The following RGL1 variants were observed in gnomAD, a reference collection of about 807,000 sequenced individuals.
RGL1 encodes the protein ral guanine nucleotide dissociation stimulator-like 1.
A neutral mutation model predicts 95.2 loss-of-function variants in RGL1; 24 were observed. The observed-to-expected ratio is 0.25, with a 90% CI of 0.18 to 0.35. The LOEUF is 0.35. Among genes scored for constraint, RGL1 ranks in the 10% least tolerant of loss-of-function variants. RGL1 has a pLI of 1.00. For synonymous variants in RGL1, 329 were observed against 344.9 expected, an observed-to-expected ratio of 0.95 and a Z score of 0.51; for missense variants, 715 against 936.3, an observed-to-expected ratio of 0.76 and a Z score of 3.08.
intron 6 of RGL1, 69 bp downstream of exon 6, chr1:183,883,979 C>T (rs935931779): frequency 1.3e-5 from 20 of 1,510,922 alleles, no homozygotes; most frequent in African/African-American, 6.9e-5. Flanking sequence ...ACTGGTGCCC[C>T]GGTGACAGCA....
At chr1:183,753,114 C>T (rs1056250657) in intron 2 of RGL1, among the ~76,000 whole-genome samples, 2 of 151,956 alleles carry the variant, frequency 1.3e-5, no homozygotes, top group African/African-American at 4.8e-5. Context: ...TTTATGTTTG[C>T]TTCTCTCACT....
At chr1:183,865,835 C>G (rs1665795650) in intron 3 of RGL1, among the ~76,000 whole-genome samples, 161 bp from the exon 4 acceptor site, 1 of 152,180 alleles carries the variant, frequency 6.6e-6, no homozygotes, top group Admixed American at 6.5e-5. Flanking sequence ...CATTAAGTAA[C>G]TATCAATAAT....
At chr1:183,899,213 A>G (rs1572573819) in intron 10 of RGL1, among the ~76,000 whole-genome samples, 1 of 152,236 alleles carries the variant, frequency 6.6e-6, no homozygotes, top group African/African-American at 2.4e-5. Context: ...TGTCAATACT[A>G]AGAAACTGAC....
chr1:183,797,706 T>G (rs1192665340), intron 2 of RGL1, among the ~76,000 whole-genome samples: 1 of 152,288 alleles, frequency 6.6e-6, no homozygotes, highest in East Asian at 1.9e-4. Context: ...CTCTTTACCC[T>G]TTGCAAAGGA....
At chr1:183,786,398 TAAAC>T (rs896271077) in intron 2 of RGL1, among the ~76,000 whole-genome samples, 16 of 152,176 alleles carry the variant, frequency 1.1e-4, no homozygotes, top group African/African-American at 3.4e-4. Context: ...ATCCTGTCTC[TAAAC>T]AAACAAACAA....
intron 1 of RGL1, among the ~76,000 whole-genome samples, chr1:183,685,034 T>C (rs11802393): frequency 0.081 from 12,305 of 152,274 alleles, 917 homozygotes; most frequent in African/African-American, 0.2. Context: ...TGTTTTTATT[T>C]GGCCATCTTC....
chr1:183,831,192 T>C (rs1349205376), intron 2 of RGL1, among the ~76,000 whole-genome samples: 3 of 152,160 alleles, frequency 2.0e-5, no homozygotes, highest in Non-Finnish European at 4.4e-5. Flanking sequence ...CTAGGGGGTT[T>C]ATCTGAGTAA....
chr1:183,650,718 T>TG (rs1558133683), intron 1 of RGL1, among the ~76,000 whole-genome samples: 1 of 150,886 alleles, frequency 6.6e-6, no homozygotes, highest in Non-Finnish European at 1.5e-5. Flanking sequence ...ATTTTTTTTT[T>TG]TTTTTAGAAT....
chr1:183,913,320 C>G (rs150098736), intron 15 of RGL1, among the ~76,000 whole-genome samples: 1 of 151,054 alleles, frequency 6.6e-6, no homozygotes, highest in Admixed American at 6.6e-5. Flanking sequence ...CTCAGCCTCC[C>G]GAGTAGCTGG....
At chr1:183,842,468 C>G (rs1250378100) in intron 2 of RGL1, among the ~76,000 whole-genome samples, 6 of 151,958 alleles carry the variant, frequency 3.9e-5, no homozygotes. Context: ...CCTTTTTCCT[C>G]TCCGTCTCAT....
At chr1:183,843,522 A>C (rs1345660973) in intron 2 of RGL1, among the ~76,000 whole-genome samples, 1 of 152,222 alleles carries the variant, frequency 6.6e-6, no homozygotes, top group African/African-American at 2.4e-5. Context: ...GACCCACTTC[A>C]TCAGGTCCTT....
chr1:183,891,733 GTTTTTT>G (rs57974956), intron 8 of RGL1, among the ~76,000 whole-genome samples: 2 of 123,944 alleles, frequency 1.6e-5, no homozygotes, highest in Non-Finnish European at 3.4e-5. Context: ...GTGTGTAACA[GTTTTTT>G]TTTTTTTTTT....
intron 2 of RGL1, among the ~76,000 whole-genome samples, chr1:183,821,415 G>T (rs1185838492): frequency 1.3e-5 from 2 of 152,134 alleles, no homozygotes; most frequent in Non-Finnish European, 2.9e-5. Flanking sequence ...TGCATGTGTG[G>T]ACTGGATCCC....
chr1:183,741,582 A>C (rs77320895), intron 1 of RGL1, among the ~76,000 whole-genome samples: 2 of 152,214 alleles, frequency 1.3e-5, no homozygotes, highest in Non-Finnish European at 2.9e-5. Context: ...AATACATCAT[A>C]TTGTTAATAC....
chr1:183,637,905 AT>A (rs139637440), intron 1 of RGL1, among the ~76,000 whole-genome samples: 1 of 151,926 alleles, frequency 6.6e-6, no homozygotes. Flanking sequence ...AGATTTTACA[AT>A]TTTTTTTCAG....
chr1:183,666,075 G>A (rs1356960167), intron 1 of RGL1, among the ~76,000 whole-genome samples: 3 of 145,794 alleles, frequency 2.1e-5, no homozygotes, highest in African/African-American at 5.1e-5. Flanking sequence ...GCGTGATCTC[G>A]GCTCACTGCA....
At chr1:183,793,849 A>C (rs986712672) in intron 2 of RGL1, among the ~76,000 whole-genome samples, 1 of 152,152 alleles carries the variant, frequency 6.6e-6, no homozygotes, top group African/African-American at 2.4e-5. Flanking sequence ...TTTGTAAAAA[A>C]AACAACTAAA....
chr1:183,838,908 G>T (rs1663846177), intron 2 of RGL1, among the ~76,000 whole-genome samples: 1 of 152,232 alleles, frequency 6.6e-6, no homozygotes, highest in South Asian at 2.1e-4. Context: ...GGTGAGGAGT[G>T]TGCACATTTG....
At position 183,786,023 on chromosome 1, in the gene RGL1, A is replaced by G. The variant is rs1365045183; in HGVS notation, c.133-20352A>G. 2.0e-5 allele frequency among the ~76,000 whole-genome samples: 3 copies of G among 151,886 alleles called. No individual in the cohort carries two copies. The East Asian group carries it at 5.8e-4, about 29-fold the overall frequency. ...AGCCCAGGAGTTTGATGCTGCAGCG[A>G]GCTGTGATTGCACTACTCTACTCCA... On this transcript the variant is annotated intron_variant, in intron 2 of 18. Coordinates refer to the RGL1 transcript ENST00000304685.
Sources: gnomAD v4.1 joint callset for allele counts (sites outside exome capture counted in the v4.1 genomes callset) on GRCh38, gnomAD v4.1.1 for gene constraint, MANE v1.5 for transcripts, NCBI Gene and HGNC (gene_info 2026-07-23, HGNC 2026-07-21) for gene names.